Variants in KIF5C observed in about 807,000 individuals in gnomAD.
KIF5C encodes kinesin heavy chain isoform 5C.
Under a neutral mutation model 125.2 loss-of-function variants are expected in KIF5C, and 18 were observed. That is an observed-to-expected ratio of 0.14 (90% confidence interval 0.10 to 0.21). The LOEUF (loss-of-function observed/expected upper bound fraction) is 0.21. Among genes scored for constraint, KIF5C ranks in the 10% least tolerant of loss-of-function variants. KIF5C has a pLI of 1.00. For synonymous variants in KIF5C, 405 were observed against 434.0 expected (o/e 0.93, Z 0.83); for missense variants, 780 against 1,183.8 (o/e 0.66, Z 5.01).
chr2:148,964,466 G>A (rs1158921909), intron 11 of KIF5C, among the ~76,000 whole-genome samples: 2 of 152,130 alleles, frequency 1.3e-5, no homozygotes, highest in Non-Finnish European at 2.9e-5. Context: ...TAAAGGGTGG[G>A]CAGTCAGATG....
At chr2:148,934,632 G>A (rs1004814506) in intron 3 of KIF5C, among the ~76,000 whole-genome samples, 5 of 148,884 alleles carry the variant, frequency 3.4e-5, no homozygotes, top group East Asian at 2.0e-4. Context: ...ATACACACAC[G>A]CCACAGAATG....
chr2:148,972,027 C>T (rs1005603847), intron 11 of KIF5C, among the ~76,000 whole-genome samples: 18 of 152,206 alleles, frequency 1.2e-4, no homozygotes, highest in Admixed American at 2.6e-4. Flanking sequence ...CTTCGCCTCT[C>T]GGGTTCAAGC....
intron 25 of KIF5C, among the ~76,000 whole-genome samples, chr2:149,012,036 C>T (rs998223467): frequency 1.1e-4 from 16 of 152,344 alleles, no homozygotes; most frequent in Non-Finnish European, 1.0e-4. Flanking sequence ...GCTTTACCCA[C>T]AGCAGACAGA....
intron 1 of KIF5C, among the ~76,000 whole-genome samples, chr2:148,889,403 C>A (rs549026887): frequency 7.2e-5 from 11 of 152,212 alleles, no homozygotes; most frequent in African/African-American, 2.6e-4. Flanking sequence ...GGGGGCCAGG[C>A]TGGTGGGAGG....
intron 1 of KIF5C, among the ~76,000 whole-genome samples, chr2:148,894,577 G>GT (rs1681785639): frequency 1.3e-5 from 2 of 152,016 alleles, no homozygotes; most frequent in South Asian, 4.1e-4. Flanking sequence ...GTTTCCTGGT[G>GT]TTTTCCTTAT....
At chr2:148,971,129 A>C (rs1485395309) in intron 11 of KIF5C, among the ~76,000 whole-genome samples, 1 of 152,212 alleles carries the variant, frequency 6.6e-6, no homozygotes, top group Non-Finnish European at 1.5e-5. Flanking sequence ...CCAAAGTGTT[A>C]GTGGTGAATT....
chr2:148,912,554 C>A (rs1004893922), intron 1 of KIF5C, among the ~76,000 whole-genome samples: 1 of 152,218 alleles, frequency 6.6e-6, no homozygotes, highest in Admixed American at 6.5e-5. Context: ...ACATGATCCT[C>A]TCACCACAGC....
intron 16 of KIF5C, among the ~76,000 whole-genome samples, chr2:148,992,112 A>G (rs766286634): frequency 2.0e-5 from 3 of 152,232 alleles, no homozygotes; most frequent in African/African-American, 7.2e-5. Context: ...ACAAAAGCAC[A>G]CTTTATTCTG....
At chr2:149,006,509 C>T (rs1360274465) in intron 22 of KIF5C, among the ~76,000 whole-genome samples, 2 of 152,026 alleles carry the variant, frequency 1.3e-5, no homozygotes, top group African/African-American at 4.8e-5. Context: ...AATGGGAAAC[C>T]CAAGGAGACT....
At chr2:149,016,572 T>G (rs1330990720) in intron 25 of KIF5C, among the ~76,000 whole-genome samples, 1 of 152,178 alleles carries the variant, frequency 6.6e-6, no homozygotes, top group Non-Finnish European at 1.5e-5. Context: ...AGGGAAACAT[T>G]GGTCCCTTTT....
At chr2:148,977,433 T>G (rs569486401) in intron 12 of KIF5C, among the ~76,000 whole-genome samples, 2 of 152,336 alleles carry the variant, frequency 1.3e-5, no homozygotes, top group South Asian at 4.1e-4. Context: ...TTTGAATCCT[T>G]TATGCTAAGT....
chr2:148,990,772 G>A lies in KIF5C; in HGVS notation c.1717-238G>A, dbSNP rs535218133. 2.6e-5 allele frequency among the ~76,000 whole-genome samples: 4 copies of A among 152,284 alleles called. No individual in the cohort carries two copies. The South Asian group carries it at 6.2e-4, about 24-fold the overall frequency. On this transcript the variant is annotated intron_variant, in intron 15 of 25. Transcript: ENST00000435030. ...TCATTTCTCTTTCTAAAAATTGATG[G>A]TAATGAAAAACCTAGTTAATTGAGG...
chr2:148,971,996 G>A (rs532946451), intron 11 of KIF5C, among the ~76,000 whole-genome samples: 29 of 152,118 alleles, frequency 1.9e-4, no homozygotes, highest in African/African-American at 4.1e-4. Context: ...GTGCAATGGC[G>A]CGATCTCGGC....
At chr2:148,942,540 G>A (rs1682432283) in intron 6 of KIF5C, 133 bp from the exon 7 acceptor site, 1 of 1,443,978 alleles carries the variant, frequency 6.9e-7, no homozygotes, top group Non-Finnish European at 9.3e-7. Context: ...AGGAGGAAAA[G>A]TTGTTGGATC....
At chr2:149,011,795 A>G (rs1453018623) in intron 25 of KIF5C, 112 bp downstream of exon 25, 5 of 1,414,192 alleles carry the variant, frequency 3.5e-6, no homozygotes, top group Non-Finnish European at 4.8e-6. Flanking sequence ...GCTCTACTCC[A>G]GCACACACCC....
At chr2:149,006,323 T>C (rs985718325) in intron 22 of KIF5C, among the ~76,000 whole-genome samples, 1 of 152,082 alleles carries the variant, frequency 6.6e-6, no homozygotes, top group Non-Finnish European at 1.5e-5. Flanking sequence ...TAGATGGATG[T>C]ATTAGATAGG....
chr2:148,998,238 C>T, intron 18 of KIF5C, 162 bp from the exon 19 acceptor site: 1 of 1,200,164 alleles, frequency 8.3e-7, no homozygotes, highest in Non-Finnish European at 1.1e-6. Context: ...CCCAATAAAG[C>T]AAGGCCGGGT....
intron 3 of KIF5C, among the ~76,000 whole-genome samples, chr2:148,930,562 T>C (rs1574761982): frequency 6.6e-6 from 1 of 152,196 alleles, no homozygotes; most frequent in East Asian, 1.9e-4. Flanking sequence ...AGACGGCTGC[T>C]GCAGAATCGG....
Position 148,961,996 on chromosome 2 carries a change from T to G in KIF5C, c.994T>G (p.Ser332Ala). The G allele has an allele frequency of 6.2e-7, 1 of 1,613,720 alleles. No homozygotes were observed. Among genetic ancestry groups the G allele is most frequent in the Non-Finnish European group, 8.5e-7 (1 of 1,179,828 alleles). Residue 332 changes from serine to alanine, a missense_variant, in exon 11 of 26, where the codon TCT becomes GCT. Ser to Ala is a moderately conservative substitution (Grantham distance 99). Coordinates refer to ENST00000435030, the MANE Select transcript of KIF5C (RefSeq NM_004522.3). ...QRAKTIKNTV[S>A]VNLELTAEEW... ...AGCTAAGACCATCAAGAATACAGTC[T>G]CTGTGAACCTAGAACTGACAGCAGA...
Sources: gnomAD v4.1 joint callset for allele counts (sites outside exome capture counted in the v4.1 genomes callset) on GRCh38, gnomAD v4.1.1 for gene constraint, MANE v1.5 for transcripts, NCBI Gene and HGNC (gene_info 2026-07-23, HGNC 2026-07-21) for gene names.